Variants in PARD3B observed in about 807,000 individuals in gnomAD.
PARD3B encodes the protein par-3 family cell polarity regulator beta.
A neutral mutation model predicts 130.2 loss-of-function variants in PARD3B; 103 were observed. The ratio of observed to expected loss-of-function variants is 0.79; its 90% CI spans 0.67 to 0.93. The LOEUF (loss-of-function observed/expected upper bound fraction) is 0.93, where lower values mean the gene tolerates loss of function less well. Ranked by LOEUF, PARD3B falls within the 40% of genes least tolerant of loss-of-function variation. The pLI is 0.00. For synonymous variants in PARD3B, 583 were observed against 553.2 expected (o/e 1.05, Z -0.76); for missense variants, 1,609 against 1,499.2 (o/e 1.07, Z -1.21).
chr2:205,031,672 C>A (rs1265034829), intron 3 of PARD3B, among the ~76,000 whole-genome samples: 2 of 151,890 alleles, frequency 1.3e-5, no homozygotes, highest in African/African-American at 2.4e-5. Flanking sequence ...TGCTATTGAG[C>A]TATAATAAAT....
Position 205,562,167 on chromosome 2 carries a change from CACTT to C in PARD3B, c.3260+8766_3260+8769del, listed in dbSNP as rs1480101115. 6.6e-6 allele frequency among the ~76,000 whole-genome samples: 1 copy of C among 152,212 alleles called. No individual in the cohort carries two copies. Among genetic ancestry groups the C allele is most frequent in the African/African-American group, 2.4e-5 (1 of 41,460 alleles). On this transcript the variant is annotated intron_variant, in intron 22 of 22. Transcript: ENST00000406610. This position sits in a 1 kb window ranked among gnomAD's most constrained non-coding sequence, Gnocchi z 5.4. ...TGCTACTGCCACCTCATTTTTATGT[CACTT>C]AGTTCCTCAGATAAAAGTCCATTTT...
chr2:205,171,435 C>T (rs1052835395), intron 11 of PARD3B, among the ~76,000 whole-genome samples: 1 of 152,320 alleles, frequency 6.6e-6, no homozygotes, highest in Admixed American at 6.5e-5. Context: ...GTCAGTGCCT[C>T]ATTCACTCAA....
intron 16 of PARD3B, among the ~76,000 whole-genome samples, chr2:205,272,806 A>G (rs2040783404): frequency 6.6e-6 from 1 of 152,220 alleles, no homozygotes; most frequent in Admixed American, 6.5e-5. Flanking sequence ...TTAACCTCAG[A>G]TGCTTCATCC....
In PARD3B at chr2:205,244,773, A is replaced by G. The variant is rs148034506; in HGVS notation, c.2141-1005A>G. 5.3e-5 allele frequency among the ~76,000 whole-genome samples: 8 copies of G among 152,274 alleles called. 1 individual carries two copies. The East Asian group carries it at 1.5e-3, about 29-fold the overall frequency. ...TGTCTTTTAAAAACGAATCCGTTTC[A>G]TCAGAGCTCCATTAATCTAGAGTTA... On this transcript the variant is annotated intron_variant, in intron 15 of 22. Transcript: ENST00000406610. This position sits in a 1 kb window ranked among gnomAD's most constrained non-coding sequence, Gnocchi z 4.7.
chr2:205,356,396 G>A (rs1302610465), intron 18 of PARD3B, among the ~76,000 whole-genome samples: 1 of 151,966 alleles, frequency 6.6e-6, no homozygotes, highest in African/African-American at 2.4e-5. Flanking sequence ...CTGTCACCCA[G>A]GCTGGAGTGC....
intron 18 of PARD3B, among the ~76,000 whole-genome samples, chr2:205,360,372 T>G (rs1377336141): frequency 6.6e-6 from 1 of 152,200 alleles, no homozygotes; most frequent in Non-Finnish European, 1.5e-5. Flanking sequence ...CATCATATTA[T>G]TTTCATTAGA....
intron 5 of PARD3B, among the ~76,000 whole-genome samples, chr2:205,108,176 A>C (rs544144820): frequency 6.6e-6 from 1 of 152,142 alleles, no homozygotes; most frequent in African/African-American, 2.4e-5. Flanking sequence ...CTGTTACTCT[A>C]TTAGTTTCAG....
At chr2:204,914,623 G>T (rs1463852959) in intron 2 of PARD3B, among the ~76,000 whole-genome samples, 1 of 152,158 alleles carries the variant, frequency 6.6e-6, no homozygotes, top group East Asian at 1.9e-4. Context: ...GGAATTGTTC[G>T]AAAACCAGTA....
chr2:205,553,176 T>G (rs12466943), intron 21 of PARD3B, 148 bp from the exon 22 acceptor site: 59,743 of 648,154 alleles, frequency 0.092, 3,657 homozygotes, highest in Non-Finnish European at 0.12. Context: ...TCAATTCCTA[T>G]AGCAATGTGG....
chr2:205,526,178 C>T (rs929411392), intron 21 of PARD3B, among the ~76,000 whole-genome samples: 3 of 152,206 alleles, frequency 2.0e-5, no homozygotes, highest in Non-Finnish European at 4.4e-5. Context: ...GTCCTAATCT[C>T]TTTCTTCTCA....
chr2:204,886,393 G>A lies in PARD3B; in HGVS notation c.223-78759G>A, dbSNP rs868496410. Among the ~76,000 whole-genome samples the A allele has an allele frequency of 1.1e-4, 16 of 152,264 alleles. No individual in the cohort carries two copies. The Middle Eastern group carries it at 0.014, about 129-fold the overall frequency. On this transcript the variant is annotated intron_variant, in intron 2 of 22. Transcript: ENST00000406610. ...CAAGAAAGCTGTCACCATTGCCCTA[G>A]CACCAGTGTCTCCAGTAAATATTGG...
intron 3 of PARD3B, among the ~76,000 whole-genome samples, chr2:205,008,645 A>G (rs1695468553): frequency 6.6e-6 from 1 of 152,232 alleles, no homozygotes; most frequent in African/African-American, 2.4e-5. Flanking sequence ...GATAAAACCG[A>G]GATAGAAAAC....
intron 2 of PARD3B, among the ~76,000 whole-genome samples, chr2:204,717,350 T>C (rs1574797914): frequency 1.3e-5 from 2 of 152,224 alleles, no homozygotes; most frequent in Non-Finnish European, 2.9e-5. Context: ...ATGACCCTCA[T>C]AGGCTTTTTC....
At chr2:205,236,768 T>G (rs1261641758) in intron 15 of PARD3B, among the ~76,000 whole-genome samples, 1 of 152,248 alleles carries the variant, frequency 6.6e-6, no homozygotes, top group East Asian at 1.9e-4. Flanking sequence ...CATATGATCA[T>G]ATGGTGGACA....
intron 19 of PARD3B, among the ~76,000 whole-genome samples, chr2:205,435,219 A>G (rs1272036419): frequency 1.3e-5 from 2 of 152,108 alleles, no homozygotes; most frequent in Non-Finnish European, 2.9e-5. Context: ...GTGAGGATAT[A>G]TATCATATAA....
At chr2:205,020,523 C>T (rs556290694) in intron 3 of PARD3B, among the ~76,000 whole-genome samples, 1 of 152,182 alleles carries the variant, frequency 6.6e-6, no homozygotes, top group Admixed American at 6.5e-5. Context: ...GGCAGGTTCT[C>T]ACTGGCTTTG....
At chr2:205,083,856 A>G (rs1451181322) in intron 4 of PARD3B, among the ~76,000 whole-genome samples, 4 of 151,640 alleles carry the variant, frequency 2.6e-5, no homozygotes, top group Non-Finnish European at 5.9e-5. Flanking sequence ...CCCATCAGCT[A>G]GTTTCCATAA....
chr2:204,798,399 A>T (rs2042447987), intron 2 of PARD3B, among the ~76,000 whole-genome samples: 1 of 152,206 alleles, frequency 6.6e-6, no homozygotes, highest in Non-Finnish European at 1.5e-5. Flanking sequence ...AGCTTCTGCC[A>T]GCCCCCCCAC....
chr2:205,526,457 G>A (rs909300331), intron 21 of PARD3B, among the ~76,000 whole-genome samples: 1 of 152,132 alleles, frequency 6.6e-6, no homozygotes, highest in Non-Finnish European at 1.5e-5. Flanking sequence ...GATATACCCA[G>A]AAGTATGCCA....
Sources: allele counts gnomAD v4.1 joint callset (sites outside exome capture counted in the v4.1 genomes callset), GRCh38; gene constraint gnomAD v4.1.1; non-coding constraint Gnocchi (gnomAD v3.1); transcripts MANE v1.5; gene names NCBI Gene and HGNC (gene_info 2026-07-23, HGNC 2026-07-21).